The following ADAM12 variants were observed in gnomAD, a reference collection of about 807,000 sequenced individuals.
ADAM12 encodes ADAM metallopeptidase domain 12.
A neutral mutation model predicts 106.4 loss-of-function variants in ADAM12; 70 were observed. The ratio of observed to expected loss-of-function variants is 0.66; its 90% CI spans 0.54 to 0.80. ADAM12 has a LOEUF of 0.80. ADAM12 is among the 30% of genes least tolerant of loss of function. The pLI is 0.00. For missense variants in ADAM12, 1,010 were observed against 1,171.9 expected (o/e 0.86, Z 2.02); for synonymous variants, 420 against 433.5 (o/e 0.97, Z 0.39).
intron 4 of ADAM12, among the ~76,000 whole-genome samples, chr10:126,139,088 A>G (rs531122813): frequency 6.6e-6 from 1 of 152,336 alleles, no homozygotes; most frequent in South Asian, 2.1e-4. Context: ...GATGAATTAC[A>G]GAATCCAATT....
intron 3 of ADAM12, among the ~76,000 whole-genome samples, chr10:126,197,078 T>C (rs1396912206): frequency 1.3e-5 from 2 of 152,054 alleles, no homozygotes; most frequent in East Asian, 1.9e-4. Context: ...GAAGTAGAAA[T>C]CTGCCGTGCA....
intron 11 of ADAM12, among the ~76,000 whole-genome samples, chr10:126,078,401 C>T (rs1955144632): frequency 6.6e-6 from 1 of 152,138 alleles, no homozygotes; most frequent in Admixed American, 6.5e-5. Context: ...ATTTCCTCTC[C>T]AGCCGTTCTC....
intron 1 of ADAM12, among the ~76,000 whole-genome samples, chr10:126,371,010 T>C (rs1399106707): frequency 6.6e-6 from 1 of 152,220 alleles, no homozygotes; most frequent in Non-Finnish European, 1.5e-5. Context: ...GTCATCACTA[T>C]TAGTTATTCG....
intron 2 of ADAM12, among the ~76,000 whole-genome samples, chr10:126,300,425 T>C (rs1011620477): frequency 1.3e-5 from 2 of 152,188 alleles, no homozygotes; most frequent in Non-Finnish European, 2.9e-5. Context: ...CCAAATTCAG[T>C]ACCTCCAAGC....
chr10:126,292,709 G>A (rs777079533), intron 2 of ADAM12, among the ~76,000 whole-genome samples: 24 of 152,324 alleles, frequency 1.6e-4, no homozygotes, highest in Admixed American at 3.3e-4. Flanking sequence ...CTCTGCCACT[G>A]CAGTGCAAAA....
intron 5 of ADAM12, among the ~76,000 whole-genome samples, chr10:126,134,582 T>G (rs1278329): frequency 0.46 from 69,541 of 152,006 alleles, 16,110 homozygotes; most frequent in African/African-American, 0.53. Flanking sequence ...ATCAGATGTA[T>G]TGAGCAATGG....
intron 2 of ADAM12, among the ~76,000 whole-genome samples, chr10:126,303,481 T>C (rs992329273): frequency 6.6e-6 from 1 of 152,172 alleles, no homozygotes; most frequent in African/African-American, 2.4e-5. Flanking sequence ...CCAAGACAGG[T>C]CATTAAATTA....
intron 1 of ADAM12, among the ~76,000 whole-genome samples, chr10:126,356,261 C>T (rs929146276): frequency 5.3e-5 from 8 of 152,176 alleles, no homozygotes; most frequent in African/African-American, 1.9e-4. Flanking sequence ...GGAATACACC[C>T]TGTAGCCCAG....
intron 5 of ADAM12, among the ~76,000 whole-genome samples, chr10:126,131,060 A>G (rs1451376551): frequency 2.0e-5 from 3 of 148,628 alleles, no homozygotes; most frequent in Admixed American, 6.7e-5. Flanking sequence ...TGTTGCTGGA[A>G]GAGGCCTATT....
intron 3 of ADAM12, among the ~76,000 whole-genome samples, chr10:126,166,411 G>T (rs1412235074): frequency 1.4e-5 from 2 of 147,500 alleles, no homozygotes; most frequent in African/African-American, 4.9e-5. Flanking sequence ...AAGGCTTTGG[G>T]CTGTTTTCTC....
intron 11 of ADAM12, among the ~76,000 whole-genome samples, chr10:126,088,007 T>A (rs772121316): frequency 3.3e-5 from 5 of 152,228 alleles, no homozygotes; most frequent in Non-Finnish European, 7.3e-5. Context: ...CTTTTCTGCC[T>A]GCTGCCTCTT....
intron 4 of ADAM12, among the ~76,000 whole-genome samples, chr10:126,142,195 C>T (rs1956525537): frequency 6.6e-6 from 1 of 152,140 alleles, no homozygotes; most frequent in African/African-American, 2.4e-5. Context: ...AATCCAGCGG[C>T]ACTAGAGGAA....
intron 3 of ADAM12, among the ~76,000 whole-genome samples, chr10:126,202,995 A>G (rs574204422): frequency 6.6e-6 from 1 of 152,258 alleles, no homozygotes; most frequent in South Asian, 2.1e-4. Context: ...TACAGGGGAA[A>G]TTGTGTACAA....
At chr10:126,157,864 A>T (rs1324246539) in intron 3 of ADAM12, among the ~76,000 whole-genome samples, 1 of 152,128 alleles carries the variant, frequency 6.6e-6, no homozygotes, top group African/African-American at 2.4e-5. Context: ...GGAGAGGAAG[A>T]GGGGAAGGAG....
chr10:126,295,582 C>T (rs1193073201), intron 2 of ADAM12, among the ~76,000 whole-genome samples: 3 of 151,298 alleles, frequency 2.0e-5, no homozygotes, highest in Admixed American at 6.6e-5. Flanking sequence ...TCTCTGTTCT[C>T]CTATTGGAAG....
At chr10:126,159,194 C>T (rs1956888544) in intron 3 of ADAM12, among the ~76,000 whole-genome samples, 1 of 150,090 alleles carries the variant, frequency 6.7e-6, no homozygotes, top group Non-Finnish European at 1.5e-5. Flanking sequence ...CCTGTGGTCC[C>T]AACTACTCAG....
chr10:126,225,398 G>A (rs762529165), intron 3 of ADAM12, among the ~76,000 whole-genome samples: 48 of 151,968 alleles, frequency 3.2e-4, no homozygotes, highest in Admixed American at 2.5e-3. Flanking sequence ...CCATTTTGCC[G>A]GTGAGGAAAC....
chr10:126,343,494 T>C (rs1379270350), intron 1 of ADAM12, among the ~76,000 whole-genome samples: 1 of 152,234 alleles, frequency 6.6e-6, no homozygotes, highest in African/African-American at 2.4e-5. Flanking sequence ...AACATACATA[T>C]GCATGTATCT....
intron 3 of ADAM12, among the ~76,000 whole-genome samples, chr10:126,170,832 T>C (rs1202087547): frequency 6.6e-6 from 1 of 152,210 alleles, no homozygotes; most frequent in East Asian, 1.9e-4. Context: ...ATTCTCCAAG[T>C]GCTTAGTTGA....
Sources: gnomAD v4.1 joint callset for allele counts (sites outside exome capture counted in the v4.1 genomes callset) on GRCh38, gnomAD v4.1.1 for gene constraint, MANE v1.5 for transcripts, NCBI Gene and HGNC (gene_info 2026-07-23, HGNC 2026-07-21) for gene names.